TNR: variants seen among roughly 807,000 people sequenced by gnomAD.
TNR encodes tenascin-R.
TNR carries 45 observed loss-of-function variants against 150.4 expected under a neutral mutation model. The ratio of observed to expected loss-of-function variants is 0.30; its 90% CI spans 0.24 to 0.38. TNR has a LOEUF of 0.38. TNR is among the 10% of genes least tolerant of loss of function. The pLI, the probability that TNR is intolerant of heterozygous loss-of-function variation, is 1.00. For missense variants in TNR, 1,544 were observed against 1,759.1 expected, an observed-to-expected ratio of 0.88 and a Z score of 2.19; for synonymous variants, 687 against 678.4, an observed-to-expected ratio of 1.01 and a Z score of -0.20.
At chr1:175,529,874 T>C (rs1659997214) in intron 1 of TNR, among the ~76,000 whole-genome samples, 1 of 152,182 alleles carries the variant, frequency 6.6e-6, no homozygotes, top group African/African-American at 2.4e-5. Context: ...ATGAAAAAAA[T>C]TATGAAAATC....
intron 1 of TNR, among the ~76,000 whole-genome samples, chr1:175,614,534 T>G (rs992450570): frequency 2.0e-5 from 3 of 152,236 alleles, no homozygotes; most frequent in African/African-American, 2.4e-5. Flanking sequence ...GGCATCTTTT[T>G]ATGACTGTTT....
intron 20 of TNR, among the ~76,000 whole-genome samples, chr1:175,333,019 T>C (rs1650025291): frequency 6.6e-6 from 1 of 152,202 alleles, no homozygotes; most frequent in Admixed American, 6.5e-5. Context: ...CAGTCTCAGT[T>C]TTGTTCTAGT....
chr1:175,379,351 C>T (rs916085766), intron 9 of TNR, among the ~76,000 whole-genome samples: 4 of 151,900 alleles, frequency 2.6e-5, no homozygotes, highest in Admixed American at 6.6e-5. Flanking sequence ...AGAGAGATTC[C>T]GTCTCAAAAA....
chr1:175,420,689 G>A (rs1162911910), intron 2 of TNR, among the ~76,000 whole-genome samples: 1 of 152,092 alleles, frequency 6.6e-6, no homozygotes, highest in African/African-American at 2.4e-5. Context: ...TCATAATCAC[G>A]ACTGATTCCT....
At position 175,635,425 on chromosome 1, in the gene TNR, A is replaced by T. The variant is rs532780932; in HGVS notation, c.-164-107056T>A. ...AACATTTGCCTGCAACATCAGCCAG[A>T]TAATTCCAATATTCGGCAAGAGTGA... On this transcript the variant is annotated intron_variant, in intron 1 of 22. Transcript: ENST00000367674. 4.6e-4 allele frequency among the ~76,000 whole-genome samples: 70 copies of T among 152,368 alleles called. No individual in the cohort carries two copies. The South Asian group carries it at 0.014, about 30-fold the overall frequency.
intron 1 of TNR, among the ~76,000 whole-genome samples, chr1:175,674,083 G>A (rs1558066596): frequency 1.3e-5 from 2 of 152,200 alleles, no homozygotes; most frequent in African/African-American, 4.8e-5. Flanking sequence ...AGGATATGGT[G>A]GTGCAGGGAA....
At chr1:175,383,560 A>G (rs1278039367) in intron 8 of TNR, among the ~76,000 whole-genome samples, 1 of 152,200 alleles carries the variant, frequency 6.6e-6, no homozygotes, top group African/African-American at 2.4e-5. Flanking sequence ...CACTTTGTTC[A>G]GGGTTCTTTC....
At chr1:175,636,797 T>G (rs926308675) in intron 1 of TNR, among the ~76,000 whole-genome samples, 6 of 152,218 alleles carry the variant, frequency 3.9e-5, no homozygotes, top group Non-Finnish European at 5.9e-5. Context: ...TTGGTGGTTG[T>G]AGGTCCATGC....
intron 1 of TNR, among the ~76,000 whole-genome samples, chr1:175,629,484 A>AT (rs75566526): frequency 4.6e-5 from 7 of 151,650 alleles, no homozygotes; most frequent in Non-Finnish European, 7.4e-5. Flanking sequence ...GCTGAGAACA[A>AT]TTTTTTTTTC....
chr1:175,478,670 C>T (rs984014687), intron 2 of TNR, among the ~76,000 whole-genome samples: 20 of 151,786 alleles, frequency 1.3e-4, no homozygotes, highest in African/African-American at 3.1e-4. Context: ...CGATGCTGTA[C>T]GAAAGGAGGG....
In TNR at chr1:175,403,296, C is replaced by T. The variant is rs267598184; in HGVS notation, c.820G>A (p.Gly274Arg). ...AAACAGGTACCGTTGGCACATCTCC[C>T]CTTCCCCGAACAGTCCCCAGGGCAC... is the stretch of plus-strand genomic sequence containing the variant. ...LRCPGDCSGKGRCANGTCLCE... is the reference protein window; with the variant it reads ...LRCPGDCSGKRRCANGTCLCE... The change falls in exon 4 of 23, where the codon GGG becomes AGG. Residue 274 changes from glycine to arginine, a missense_variant. By Grantham distance (125) the Gly-to-Arg change is moderately radical (BLOSUM62 -2). Coordinates refer to ENST00000367674, the MANE Select transcript of TNR (RefSeq NM_003285.3). 1.2e-6 allele frequency: 2 copies of T among 1,614,190 alleles called. No homozygotes were observed. Among genetic ancestry groups the T allele is most frequent in the Admixed American group, 1.7e-5 (1 of 60,028 alleles).
Position 175,685,853 on chromosome 1 carries a change from G to GTT in TNR, c.-165+57371_-165+57372dup, listed in dbSNP as rs11435846. Among the ~76,000 whole-genome samples, 873 of 147,814 alleles carry GTT rather than the reference G, an allele frequency of 5.9e-3. 5 individuals are homozygous for GTT. The highest frequency in any genetic ancestry group is 0.022 in the East Asian group (112 of 5,076). ...TTTTTACTCAAACAAACCATTAGCTGTTTTTTTTTTTTAAGTCCCCTGACA... is the reference window on the plus strand; with the variant it reads ...TTTTTACTCAAACAAACCATTAGCTGTTTTTTTTTTTTTTAAGTCCCCTGACA... On this transcript the variant is annotated intron_variant, in intron 1 of 22. Transcript: ENST00000367674.
intron 2 of TNR, among the ~76,000 whole-genome samples, chr1:175,516,798 G>T (rs766439694): frequency 5.9e-5 from 9 of 152,066 alleles, no homozygotes; most frequent in Non-Finnish European, 1.2e-4. Context: ...TTCAGAAATT[G>T]AAAAAATACA....
At chr1:175,352,908 C>T (rs1214968360) in intron 18 of TNR, among the ~76,000 whole-genome samples, 3 of 152,202 alleles carry the variant, frequency 2.0e-5, no homozygotes, top group East Asian at 3.9e-4. Context: ...GGGGAGACAC[C>T]TGGTGGGGCT....
At position 175,406,295 on chromosome 1, in the gene TNR, C is replaced by T. The variant is rs1354347221; in HGVS notation, c.420G>A (p.Arg140=). The change falls in exon 3 of 23, where the codon CGG becomes CGA. Residue 140 remains arginine (R), a synonymous_variant. Coordinates refer to ENST00000367674, the MANE Select transcript of TNR (RefSeq NM_003285.3). The part of the protein sequence containing the change: ...SAQVLQELLS[R]IEMLEREVSV... ...ACACCTCCCTCTCCAGCATCTCGAT[C>T]CGGCTCAGCAGCTCCTGCAGCACCT... is the stretch of plus-strand genomic sequence containing the variant. 2 of 1,614,084 alleles carry T rather than the reference C, an allele frequency of 1.2e-6. No homozygotes were observed. The highest frequency in any genetic ancestry group is 2.7e-5 in the African/African-American group (2 of 74,926).
intron 1 of TNR, among the ~76,000 whole-genome samples, chr1:175,702,104 GT>G (rs1247511459): frequency 1.3e-5 from 2 of 152,060 alleles, no homozygotes; most frequent in Non-Finnish European, 2.9e-5. Context: ...ATTTTCCAGG[GT>G]TTTTTTCCGA....
chr1:175,369,313 G>A (rs1651983952), intron 9 of TNR, among the ~76,000 whole-genome samples: 1 of 152,154 alleles, frequency 6.6e-6, no homozygotes, highest in Non-Finnish European at 1.5e-5. Flanking sequence ...AAATCAAGGT[G>A]TCGCCAGGAC....
intron 1 of TNR, among the ~76,000 whole-genome samples, chr1:175,640,894 T>C (rs1253041770): frequency 1.3e-5 from 2 of 152,002 alleles, no homozygotes; most frequent in African/African-American, 4.8e-5. Flanking sequence ...ACCCCTGTCC[T>C]ACCAAATAGA....
intron 2 of TNR, among the ~76,000 whole-genome samples, chr1:175,498,743 G>T (rs1226102576): frequency 2.6e-5 from 4 of 152,198 alleles, no homozygotes; most frequent in Non-Finnish European, 5.9e-5. Context: ...GTGCAAGGAG[G>T]TGGGGATTCA....
Sources: gnomAD v4.1 joint callset for allele counts (sites outside exome capture counted in the v4.1 genomes callset) on GRCh38, gnomAD v4.1.1 for gene constraint, MANE v1.5 for transcripts, NCBI Gene and HGNC (gene_info 2026-07-23, HGNC 2026-07-21) for gene names.